SCFD2: variants seen among roughly 807,000 people sequenced by gnomAD.
The protein encoded by SCFD2 is sec1 family domain-containing protein 2.
SCFD2 carries 54 observed loss-of-function variants against 58.9 expected under a neutral mutation model. The observed-to-expected ratio is 0.92, with a 90% CI of 0.74 to 1.15. The LOEUF (loss-of-function observed/expected upper bound fraction) is 1.15. SCFD2 is among the 50% of genes most tolerant of loss of function. The pLI is 0.00. For synonymous variants in SCFD2, 321 were observed against 335.9 expected, an observed-to-expected ratio of 0.96 and a Z score of 0.49; for missense variants, 805 against 836.6, an observed-to-expected ratio of 0.96 and a Z score of 0.47.
chr4:52,881,827 G>A (rs1718616354), intron 8 of SCFD2, among the ~76,000 whole-genome samples: 1 of 152,134 alleles, frequency 6.6e-6, no homozygotes, highest in South Asian at 2.1e-4. Context: ...CTAATGTTCA[G>A]TATTGGACAT....
At chr4:52,935,177 C>T (rs944292736) in intron 5 of SCFD2, among the ~76,000 whole-genome samples, 1 of 152,176 alleles carries the variant, frequency 6.6e-6, no homozygotes, top group African/African-American at 2.4e-5. Context: ...CAAAACAGTG[C>T]TTGTGCTTGG....
At chr4:53,226,603 C>A (rs563989256) in intron 4 of SCFD2, among the ~76,000 whole-genome samples, 3 of 152,212 alleles carry the variant, frequency 2.0e-5, no homozygotes, top group East Asian at 3.9e-4. Context: ...CACGTACTAT[C>A]TGCCAGGTGG....
chr4:52,994,011 G>A (rs912104896), intron 5 of SCFD2, among the ~76,000 whole-genome samples: 1 of 152,200 alleles, frequency 6.6e-6, no homozygotes, highest in Non-Finnish European at 1.5e-5. Flanking sequence ...GGCTGGTCCC[G>A]CTCTAGACAG....
intron 2 of SCFD2, among the ~76,000 whole-genome samples, chr4:53,329,736 C>T (rs1194509464): frequency 6.6e-6 from 1 of 151,970 alleles, no homozygotes; most frequent in East Asian, 1.9e-4. Context: ...CGGAACAAAG[C>T]TGGATGGAGA....
At chr4:52,920,291 T>C in intron 6 of SCFD2, among the ~76,000 whole-genome samples, 1 of 152,206 alleles carries the variant, frequency 6.6e-6, no homozygotes, top group East Asian at 1.9e-4. Context: ...ATCACAAACT[T>C]TTTCCCTTGT....
intron 7 of SCFD2, among the ~76,000 whole-genome samples, chr4:52,898,460 G>A (rs927618609): frequency 2.0e-5 from 3 of 152,312 alleles, no homozygotes; most frequent in East Asian, 3.9e-4. Flanking sequence ...TAGCTGAGCG[G>A]TTTTGAGTGA....
At chr4:53,249,897 G>A (rs1390944477) in intron 4 of SCFD2, among the ~76,000 whole-genome samples, 2 of 152,124 alleles carry the variant, frequency 1.3e-5, no homozygotes, top group Non-Finnish European at 2.9e-5. Context: ...ATCAACTAAC[G>A]AGCAAAATAA....
chr4:53,278,001 G>A (rs764802666), intron 3 of SCFD2, among the ~76,000 whole-genome samples: 2 of 151,584 alleles, frequency 1.3e-5, no homozygotes, highest in East Asian at 2.0e-4. Flanking sequence ...TGCAGTAAGC[G>A]GAGATCCGGC....
chr4:53,148,045 T>C (rs1726386961), intron 4 of SCFD2, among the ~76,000 whole-genome samples: 1 of 152,146 alleles, frequency 6.6e-6, no homozygotes, highest in African/African-American at 2.4e-5. Context: ...TACCACTAAC[T>C]CCTTAGATGA....
chr4:53,098,611 G>T (rs1724734610), intron 5 of SCFD2, among the ~76,000 whole-genome samples: 1 of 152,020 alleles, frequency 6.6e-6, no homozygotes, highest in Non-Finnish European at 1.5e-5. Context: ...TTTAGAGACT[G>T]CTCTAACTGT....
chr4:53,254,238 C>T (rs1341342894), intron 4 of SCFD2, among the ~76,000 whole-genome samples: 1 of 152,078 alleles, frequency 6.6e-6, no homozygotes, highest in Non-Finnish European at 1.5e-5. Context: ...AAAAGCAGGA[C>T]CAGGTGGAGG....
chr4:53,104,015 G>A (rs771809817), intron 5 of SCFD2, among the ~76,000 whole-genome samples: 18 of 151,554 alleles, frequency 1.2e-4, no homozygotes, highest in Non-Finnish European at 2.2e-4. Context: ...AAAGGGAGAA[G>A]AGAAAACTAT....
In SCFD2 at chr4:53,273,956, T is replaced by C; in HGVS notation, c.1181A>G (p.Lys394Arg). ...GQLMSYIQLF[K>R]NNLKALMNHC... ...ATTCATTAGAGCTTTGAGGTTGTTC[T>C]TGAAGAGCTGAATATAGGACATGAG... Residue 394 changes from lysine (K) to arginine (R), a missense_variant, in exon 4 of 9, where the codon AAG (lysine) becomes AGG (arginine). By Grantham distance (26) the Lys-to-Arg change is conservative (BLOSUM62 2). Around this residue, in one of 3 missense-constraint regions of SCFD2, gnomAD observed 633 missense variants for 646.8 expected, o/e 0.98. Transcript: ENST00000401642. 1 of 1,613,778 alleles carries C rather than the reference T, an allele frequency of 6.2e-7. No individual in the cohort carries two copies. The highest frequency in any genetic ancestry group is 8.5e-7 in the Non-Finnish European group (1 of 1,179,802).
At chr4:53,349,269 T>C (rs774477213) in intron 2 of SCFD2, among the ~76,000 whole-genome samples, 16 of 152,242 alleles carry the variant, frequency 1.1e-4, no homozygotes, top group Non-Finnish European at 1.9e-4. Flanking sequence ...AAATGTGTCA[T>C]GAAGACTTTG....
intron 4 of SCFD2, among the ~76,000 whole-genome samples, chr4:53,214,755 A>G (rs1351329858): frequency 2.0e-5 from 3 of 152,112 alleles, no homozygotes. Flanking sequence ...GGTATTGCCT[A>G]GGTTTTCTTC....
At chr4:53,285,149 G>A (rs985740977) in intron 3 of SCFD2, among the ~76,000 whole-genome samples, 2 of 152,154 alleles carry the variant, frequency 1.3e-5, no homozygotes, top group Admixed American at 6.5e-5. Flanking sequence ...AGCTCTCTCC[G>A]AAGTTATACA....
chr4:53,003,788 G>A (rs1577653354), intron 5 of SCFD2, among the ~76,000 whole-genome samples: 1 of 152,290 alleles, frequency 6.6e-6, no homozygotes, highest in Middle Eastern at 3.4e-3. Flanking sequence ...ACAACTCTAA[G>A]GAGGACAGTA....
intron 4 of SCFD2, among the ~76,000 whole-genome samples, chr4:53,219,879 A>G (rs537138274): frequency 6.6e-6 from 1 of 152,160 alleles, no homozygotes; most frequent in Non-Finnish European, 1.5e-5. Context: ...TACTACCACC[A>G]CCATGACTGC....
At chr4:53,155,774 A>C (rs1180968656) in intron 4 of SCFD2, among the ~76,000 whole-genome samples, 2 of 152,246 alleles carry the variant, frequency 1.3e-5, no homozygotes, top group East Asian at 3.8e-4. Flanking sequence ...AATATTTATC[A>C]GATCCAGAAT....
Sources: gnomAD v4.1 joint callset for allele counts (sites outside exome capture counted in the v4.1 genomes callset) on GRCh38, gnomAD v4.1.1 for gene constraint, gnomAD v4.1.1 regional missense constraint, MANE v1.5 for transcripts, NCBI Gene and HGNC (gene_info 2026-07-23, HGNC 2026-07-21) for gene names.